The following RGPD4 variants were observed in gnomAD, a reference collection of about 807,000 sequenced individuals.
RGPD4 encodes ranBP2-like and GRIP domain-containing protein 4.
Under a neutral mutation model 141.1 loss-of-function variants are expected in RGPD4, and 84 were observed. The ratio of observed to expected loss-of-function variants is 0.60; its 90% confidence interval spans 0.50 to 0.71. The LOEUF (loss-of-function observed/expected upper bound fraction) is 0.71. RGPD4 is among the 30% of genes least tolerant of loss of function. RGPD4 has a pLI of 0.00. For synonymous variants in RGPD4, 298 were observed against 566.8 expected (o/e 0.53, Z 6.74); for missense variants, 918 against 1,622.4 (o/e 0.57, Z 7.46).
chr2:107,857,712 C>A (rs1316705874), intron 9 of RGPD4, among the ~76,000 whole-genome samples: 1 of 151,858 alleles, frequency 6.6e-6, no homozygotes. Context: ...TGGGATTAAG[C>A]CTGACACAGT....
intron 17 of RGPD4, among the ~76,000 whole-genome samples, chr2:107,863,603 C>T (rs1162761494): frequency 2.0e-5 from 3 of 151,806 alleles, no homozygotes; most frequent in African/African-American, 2.4e-5. Context: ...AGCAACTCTC[C>T]TGCCTCAGCC....
At chr2:107,863,605 G>T (rs1475872114) in intron 17 of RGPD4, among the ~76,000 whole-genome samples, 1 of 151,708 alleles carries the variant, frequency 6.6e-6, no homozygotes, top group East Asian at 1.9e-4. Flanking sequence ...CAACTCTCCT[G>T]CCTCAGCCTC....
At chr2:107,877,688 T>TA (rs1272338448) in intron 20 of RGPD4, among the ~76,000 whole-genome samples, 1 of 151,534 alleles carries the variant, frequency 6.6e-6, no homozygotes, top group African/African-American at 2.4e-5. Flanking sequence ...TCTAAATTAA[T>TA]AAAAAATAAG....
Position 107,882,681 on chromosome 2 carries a change from A to G in RGPD4, c.5074A>G (p.Ser1692Gly), listed in dbSNP as rs751711175. Residue 1692 changes from serine (S) to glycine (G), a missense_variant, in exon 22 of 23, where the codon AGT becomes GGT. Physicochemically the swap from Ser to Gly is moderately conservative, Grantham distance 56. Transcript: ENST00000408999. ...ATTTCTCTAACACCAGCTTCTCAAA[A>G]GTGAAATAAGAAGATTGGAAAGGAA... ...VLMEQIKLLK[S>G]EIRRLERNQE... The G allele has an allele frequency of 1.2e-5, 19 of 1,611,254 alleles. No individual in the cohort carries two copies. Among genetic ancestry groups the G allele is most frequent in the Non-Finnish European group, 1.5e-5 (18 of 1,179,844 alleles).
chr2:107,888,460 A>G (rs1297890044), intron 22 of RGPD4, among the ~76,000 whole-genome samples: 4 of 151,286 alleles, frequency 2.6e-5, no homozygotes, highest in East Asian at 3.9e-4. Context: ...ACACATAACC[A>G]GTGCCAAGTT....
intron 22 of RGPD4, among the ~76,000 whole-genome samples, chr2:107,885,095 A>G (rs931904748): frequency 5.3e-5 from 8 of 151,972 alleles, no homozygotes; most frequent in South Asian, 2.1e-4. Context: ...TTTTGTCACA[A>G]GGGCCCAAAT....
intron 20 of RGPD4, among the ~76,000 whole-genome samples, chr2:107,876,303 A>T (rs1683089436): frequency 6.6e-6 from 1 of 150,902 alleles, no homozygotes; most frequent in South Asian, 2.1e-4. Context: ...TCTCCCTCAG[A>T]TAGTCTCGGT....
chr2:107,845,121 A>G lies in RGPD4; in HGVS notation c.782+1391A>G, dbSNP rs531445023. On this transcript the variant is annotated intron_variant, in intron 6 of 22. Transcript: ENST00000408999. ...AGTGGTGCAGTCTCAGCTCACTGCA[A>G]CCTCTGCCTCCTGGGTTCAAGTGAT... Among the ~76,000 whole-genome samples the G allele has an allele frequency of 3.6e-5, 5 of 139,374 alleles. No individual in the cohort carries two copies. In the South Asian group the frequency reaches 1.2e-3, roughly 33 times the overall value. The allele number at this position is 139,374 out of a possible 152,430, so 91.4% of individuals were successfully genotyped here. A position where few individuals can be genotyped will look rare whatever the true frequency, so the allele number is the denominator to read the frequency against.
chr2:107,874,152 A>G (rs1683021815), intron 20 of RGPD4, among the ~76,000 whole-genome samples: 1 of 151,000 alleles, frequency 6.6e-6, no homozygotes, highest in African/African-American at 2.5e-5. Context: ...CCTATGTTTT[A>G]TCTAATGTTT....
At chr2:107,885,303 T>C (rs573112774) in intron 22 of RGPD4, among the ~76,000 whole-genome samples, 236 of 152,276 alleles carry the variant, frequency 1.5e-3, no homozygotes, top group African/African-American at 5.4e-3. Flanking sequence ...GTTATAAAAT[T>C]AACCAGGACT....
At chr2:107,878,671 T>A (rs1683163375) in intron 20 of RGPD4, among the ~76,000 whole-genome samples, 1 of 110,878 alleles carries the variant, frequency 9.0e-6, no homozygotes, top group African/African-American at 3.3e-5. Flanking sequence ...ATGGATGAGA[T>A]GGATGGATGG....
chr2:107,872,031 G>A lies in RGPD4; in HGVS notation c.4027G>A (p.Asp1343Asn), dbSNP rs1682942719. The change falls in exon 20 of 23, where the codon GAT (aspartate) becomes AAT (asparagine). Residue 1343 changes from aspartate to asparagine, a missense_variant. Physicochemically the swap from Asp to Asn is conservative, Grantham distance 23. Coordinates refer to ENST00000408999, the MANE Select transcript of RGPD4 (RefSeq NM_182588.3). ...QYFEPVVPLP[D>N]LVEVSSGEEN... ...CTTTGAACCTGTTGTTCCTTTACCT[G>A]ATCTAGTTGAAGTATCCAGTGGTGA... 6.2e-7 allele frequency: 1 copy of A among 1,611,476 alleles called. No homozygotes were observed. Among genetic ancestry groups the A allele is most frequent in the Non-Finnish European group, 8.5e-7 (1 of 1,179,826 alleles).
Position 107,885,882 on chromosome 2 carries a change from G to A in RGPD4, c.5266+3009G>A, listed in dbSNP as rs1377569619. On this transcript the variant is annotated intron_variant, in intron 22 of 22. Coordinates refer to ENST00000408999, the MANE Select transcript of RGPD4 (RefSeq NM_182588.3). ...AGCCTGGCCAACATGGTGAAACCCC[G>A]TCTCTACTCAGAATACAAAAATTAG... 2.8e-3 allele frequency among the ~76,000 whole-genome samples: 430 copies of A among 151,698 alleles called. 2 individuals carry two copies. Among genetic ancestry groups the A allele is most frequent in the African/African-American group, 9.3e-3 (385 of 41,374 alleles).
intron 6 of RGPD4, among the ~76,000 whole-genome samples, chr2:107,845,680 C>T (rs1410384334): frequency 2.6e-5 from 4 of 152,296 alleles, no homozygotes; most frequent in African/African-American, 9.6e-5. Context: ...TCTTCTGCCT[C>T]AGCCTCCTGA....
chr2:107,831,647 C>T (rs1681494816), intron 1 of RGPD4, among the ~76,000 whole-genome samples: 1 of 118,800 alleles, frequency 8.4e-6, no homozygotes. Context: ...GCGATCTCGG[C>T]TCACTGCAAA....
chr2:107,857,297 C>A (rs897554183), intron 9 of RGPD4, among the ~76,000 whole-genome samples: 6 of 151,594 alleles, frequency 4.0e-5, no homozygotes, highest in Non-Finnish European at 8.8e-5. Context: ...CCACCATGCC[C>A]GGCTAATTTT....
chr2:107,887,240 A>G (rs1675539610), intron 22 of RGPD4, among the ~76,000 whole-genome samples: 1 of 147,496 alleles, frequency 6.8e-6, no homozygotes, highest in Admixed American at 6.9e-5. Context: ...TGGGCAACAG[A>G]GTAAAACCCC....
chr2:107,830,840 CAT>C (rs1681458445), intron 1 of RGPD4, among the ~76,000 whole-genome samples: 1 of 152,068 alleles, frequency 6.6e-6, no homozygotes, highest in Middle Eastern at 3.4e-3. Flanking sequence ...GTCTGTATAT[CAT>C]ATCTTTCTAG....
intron 1 of RGPD4, among the ~76,000 whole-genome samples, chr2:107,834,661 A>G (rs1263081419): frequency 1.3e-5 from 2 of 149,908 alleles, no homozygotes; most frequent in African/African-American, 4.9e-5. Context: ...GGCAGTTCAC[A>G]TATGCCAGAG....
Sources: gnomAD v4.1 joint callset for allele counts (sites outside exome capture counted in the v4.1 genomes callset) on GRCh38, gnomAD v4.1.1 for gene constraint, MANE v1.5 for transcripts, NCBI Gene and HGNC (gene_info 2026-07-23, HGNC 2026-07-21) for gene names.